SLC35F3: variants seen among roughly 807,000 people sequenced by gnomAD.
SLC35F3 encodes solute carrier family 35 member F3.
A neutral mutation model predicts 49.9 loss-of-function variants in SLC35F3; 25 were observed. The observed-to-expected ratio is 0.50, with a 90% CI of 0.37 to 0.70. SLC35F3 has a LOEUF of 0.70. Ranked by LOEUF, SLC35F3 falls within the 30% of genes least tolerant of loss-of-function variation. SLC35F3 has a pLI of 0.00. For synonymous variants in SLC35F3, 275 were observed against 265.4 expected (o/e 1.04, Z -0.35); for missense variants, 525 against 639.8 (o/e 0.82, Z 1.94).
intron 2 of SLC35F3, among the ~76,000 whole-genome samples, chr1:234,172,809 T>C (rs1185116643): frequency 6.6e-6 from 1 of 152,186 alleles, no homozygotes; most frequent in Non-Finnish European, 1.5e-5. Context: ...ACAGTAAAAA[T>C]GCAGTATTAT....
Position 234,309,213 on chromosome 1 carries a change from A to G in SLC35F3, c.721A>G (p.Ile241Val), listed in dbSNP as rs964536316. 9 of 1,614,224 alleles carry G rather than the reference A, an allele frequency of 5.6e-6. No homozygotes were observed. Among genetic ancestry groups the G allele is most frequent in the Non-Finnish European group, 7.6e-6 (9 of 1,180,038 alleles). ...TLTNYLYLHA[I>V]KKINTTDVSV... is the part of the protein sequence containing the mutation. Reference sequence around the variant, plus strand: ...CACAAACTACCTGTACTTACATGCAATAAAGAAAATAAACACTACGGATGT... The same window carrying G: ...CACAAACTACCTGTACTTACATGCAGTAAAGAAAATAAACACTACGGATGT... The change falls in exon 4 of 8, where the codon ATA becomes GTA. Residue 241 changes from isoleucine (I) to valine (V), a missense_variant. By Grantham distance (29) the Ile-to-Val change is conservative (BLOSUM62 3). Around this residue, in one of 4 missense-constraint regions of SLC35F3, gnomAD observed 216 missense variants for 298.1 expected, o/e 0.72. Coordinates refer to ENST00000366618, the MANE Select transcript of SLC35F3 (RefSeq NM_173508.4).
In SLC35F3 at chr1:234,318,468, T is replaced by C. The variant is rs190418112; in HGVS notation, c.955-283T>C. Among the ~76,000 whole-genome samples, 61 of 152,324 alleles carry C rather than the reference T, an allele frequency of 4.0e-4. No homozygotes were observed. In the East Asian group the frequency reaches 5.4e-3, roughly 13 times the overall value. ...AATCATGGCAGATGTTTTTTAGTGA[T>C]GTAGTGTCAGGAACACAACACAGAC... is the stretch of plus-strand genomic sequence containing the variant. On this transcript the variant is annotated intron_variant, in intron 5 of 7. Transcript: ENST00000366618.
Position 234,320,273 on chromosome 1 carries a change from CATACACACTCACACATACACTCACAT to C in SLC35F3, c.1237+88_1237+113del. On this transcript the variant is annotated intron_variant, in intron 7 of 7. Transcript: ENST00000366618. This position sits in a 1 kb window ranked among gnomAD's most constrained non-coding sequence, Gnocchi z 4.8. The stretch of plus-strand genomic sequence containing the variant: ...ACACACATACACACACTCATGCATA[CATACACACTCACACATACACTCACAT>C]ACACACACTCATGCATACACACACA... 3.3e-6 allele frequency: 3 copies of C among 901,726 alleles called. No individual in the cohort carries two copies. In the Admixed American group the frequency reaches 5.2e-5, roughly 16 times the overall value. The allele number at this position is 901,726 out of a possible 1,614,324, so 55.9% of individuals were successfully genotyped here. A position where few individuals can be genotyped will look rare whatever the true frequency, so the allele number is the denominator to read the frequency against.
chr1:234,225,185 C>G (rs372320348), intron 2 of SLC35F3, among the ~76,000 whole-genome samples: 16 of 152,208 alleles, frequency 1.1e-4, no homozygotes, highest in East Asian at 5.8e-4. Flanking sequence ...AGTCTCCCCC[C>G]CTTTCCTCTA....
intron 3 of SLC35F3, among the ~76,000 whole-genome samples, chr1:234,305,888 A>G (rs539818896): frequency 1.9e-4 from 29 of 152,344 alleles, no homozygotes; most frequent in African/African-American, 7.0e-4. Flanking sequence ...ATCCATAGGA[A>G]CAGAAGGACT....
At chr1:234,185,546 C>G (rs1666630322) in intron 2 of SLC35F3, among the ~76,000 whole-genome samples, 1 of 152,164 alleles carries the variant, frequency 6.6e-6, no homozygotes, top group Admixed American at 6.5e-5. Context: ...GGGTGGAACC[C>G]TTGGCTAGCC....
At chr1:233,941,964 T>TGG (rs869166178) in intron 2 of SLC35F3, among the ~76,000 whole-genome samples, 2 of 41,714 alleles carry the variant, frequency 4.8e-5, no homozygotes, top group African/African-American at 1.3e-4. Context: ...GTTTTTTTGT[T>TGG]TTTTTTTTTT....
chr1:234,015,576 A>G (rs1408888234), intron 2 of SLC35F3, among the ~76,000 whole-genome samples: 1 of 152,192 alleles, frequency 6.6e-6, no homozygotes, highest in Non-Finnish European at 1.5e-5. Context: ...AGTCTCTTCA[A>G]TAAAGGGTGT....
intron 3 of SLC35F3, among the ~76,000 whole-genome samples, chr1:234,246,976 G>A (rs560208233): frequency 1.7e-4 from 26 of 152,296 alleles, no homozygotes; most frequent in African/African-American, 4.8e-4. Flanking sequence ...TGGCAGACAC[G>A]GCAGGGTGTG....
At chr1:234,313,610 G>A (rs913159626) in intron 4 of SLC35F3, among the ~76,000 whole-genome samples, 3 of 152,076 alleles carry the variant, frequency 2.0e-5, no homozygotes, top group Non-Finnish European at 4.4e-5. Context: ...TTGAGGGCTG[G>A]GGGGGACAGG....
At chr1:234,058,180 G>T (rs1664482773) in intron 2 of SLC35F3, among the ~76,000 whole-genome samples, 2 of 150,536 alleles carry the variant, frequency 1.3e-5, no homozygotes, top group Non-Finnish European at 3.0e-5. Flanking sequence ...ATTTTTTTTG[G>T]TTTGCTTTGG....
intron 2 of SLC35F3, among the ~76,000 whole-genome samples, chr1:233,983,605 T>C (rs1230129106): frequency 6.6e-6 from 1 of 152,238 alleles, no homozygotes; most frequent in East Asian, 1.9e-4. Context: ...GTTTCTTAAT[T>C]TGCATGCGAA....
chr1:233,978,704 C>G (rs776527813), intron 2 of SLC35F3, among the ~76,000 whole-genome samples: 1 of 152,196 alleles, frequency 6.6e-6, no homozygotes, highest in Non-Finnish European at 1.5e-5. Context: ...CACCTCTGAT[C>G]TCATCCAGAA....
At chr1:234,055,761 G>C (rs988665978) in intron 2 of SLC35F3, among the ~76,000 whole-genome samples, 2 of 152,168 alleles carry the variant, frequency 1.3e-5, no homozygotes, top group African/African-American at 4.8e-5. Flanking sequence ...GACTGGAGCT[G>C]TTCCTATTCG....
At chr1:234,216,487 A>C (rs1667124416) in intron 2 of SLC35F3, among the ~76,000 whole-genome samples, 1 of 152,190 alleles carries the variant, frequency 6.6e-6, no homozygotes, top group Non-Finnish European at 1.5e-5. Flanking sequence ...CCTTCAGGGA[A>C]TGAAAGTGAA....
chr1:234,233,346 T>G lies in SLC35F3; in HGVS notation c.608+1605T>G, dbSNP rs531019179. ...CTCTAACGAAATGCTCAAAGTGAGCTTATATGCACGTTCTTGATCAAGAAT... is the reference window on the plus strand; with the variant it reads ...CTCTAACGAAATGCTCAAAGTGAGCGTATATGCACGTTCTTGATCAAGAAT... On this transcript the variant is annotated intron_variant, in intron 3 of 7. Transcript: ENST00000366618. Among the ~76,000 whole-genome samples, 4 of 152,360 alleles carry G rather than the reference T, an allele frequency of 2.6e-5. No homozygotes were observed. In the South Asian group the frequency reaches 8.3e-4, roughly 32 times the overall value.
rs956883506 is a variant in SLC35F3 at position 234,046,700 on chromosome 1, A to G, written c.283+140942A>G. 6.6e-6 allele frequency among the ~76,000 whole-genome samples: 1 copy of G among 152,208 alleles called. No individual in the cohort carries two copies. Among genetic ancestry groups the G allele is most frequent in the Non-Finnish European group, 1.5e-5 (1 of 68,018 alleles). ...GAGATTATAAAGATATTCTTCTACTATTTTGAAAATTTTAAACATTTCCTT... is the reference window on the plus strand; with the variant it reads ...GAGATTATAAAGATATTCTTCTACTGTTTTGAAAATTTTAAACATTTCCTT... On this transcript the variant is annotated intron_variant, in intron 2 of 7. Coordinates refer to ENST00000366618, the MANE Select transcript of SLC35F3 (RefSeq NM_173508.4). This position sits in a 1 kb window ranked among gnomAD's most constrained non-coding sequence, Gnocchi z 4.4.
intron 3 of SLC35F3, among the ~76,000 whole-genome samples, chr1:234,248,032 T>G: frequency 6.6e-6 from 1 of 152,188 alleles, no homozygotes; most frequent in Non-Finnish European, 1.5e-5. Flanking sequence ...GGCTGGTCCA[T>G]TGTTTGGTAG....
chr1:234,162,708 G>A lies in SLC35F3; in HGVS notation c.284-68709G>A, dbSNP rs544273108. ...TTAATACCTCAAGGCCTTAGAAAAA[G>A]GAACCAAGGATATCAGAGCAAAAAA... On this transcript the variant is annotated intron_variant, in intron 2 of 7. Coordinates refer to ENST00000366618, the MANE Select transcript of SLC35F3 (RefSeq NM_173508.4). 2.0e-5 allele frequency among the ~76,000 whole-genome samples: 3 copies of A among 152,258 alleles called. No individual in the cohort carries two copies. In the South Asian group the frequency reaches 6.2e-4, roughly 32 times the overall value.
Sources: gnomAD v4.1 joint callset for allele counts (sites outside exome capture counted in the v4.1 genomes callset) on GRCh38, gnomAD v4.1.1 for gene constraint, gnomAD v4.1.1 regional missense constraint, Gnocchi (gnomAD v3.1) non-coding constraint, MANE v1.5 for transcripts, NCBI Gene and HGNC (gene_info 2026-07-23, HGNC 2026-07-21) for gene names.